The following KMT5B variants were observed in gnomAD, a reference collection of about 807,000 sequenced individuals.
The protein encoded by KMT5B is lysine methyltransferase 5B, also known as histone-lysine N-methyltransferase KMT5B.
Under a neutral mutation model 83.2 loss-of-function variants are expected in KMT5B, and 10 were observed. The observed-to-expected ratio is 0.12, with a 90% CI of 0.07 to 0.20. KMT5B has a LOEUF of 0.20. KMT5B is among the 10% of genes least tolerant of loss of function. KMT5B has a pLI of 1.00. For synonymous variants in KMT5B, 349 were observed against 388.8 expected (o/e 0.90, Z 1.20); for missense variants, 753 against 1,067.2 (o/e 0.71, Z 4.10).
chr11:68,179,522 T>C, intron 4 of KMT5B: 3 of 1,304,194 alleles, frequency 2.3e-6, no homozygotes, highest in Non-Finnish European at 3.0e-6. Context: ...TGCTATTTGG[T>C]TTTTCTGTCT....
rs1487491748 is a variant in KMT5B, at chr11:68,171,457, A to AAGG, written c.820+83_820+85dup. 1.3e-5 allele frequency: 19 copies of AAGG among 1,418,064 alleles called. No homozygotes were observed. Among genetic ancestry groups the AAGG allele is most frequent in the Non-Finnish European group, 1.8e-5 (19 of 1,032,696 alleles). 87.8% of individuals were successfully genotyped at this position (1,418,064 alleles called of 1,614,324 possible). ...TCAAATTCTCCTTTAAAGGAAGATA[A>AAGG]AGGTTTGACTGAGGTTGACAAGGCC... is the stretch of plus-strand genomic sequence containing the variant. On this transcript the variant is annotated intron_variant, in intron 7 of 10. Transcript: ENST00000304363. The surrounding 1 kb of genome is among the most constrained non-coding windows in gnomAD (Gnocchi z 5.1).
Position 68,158,903 on chromosome 11 carries a change from T to A in KMT5B, c.1443A>T (p.Lys481Asn), listed in dbSNP as rs1006437121. 2.5e-6 allele frequency: 4 copies of A among 1,614,076 alleles called. No homozygotes were observed. The highest frequency in any genetic ancestry group is 3.4e-6 in the Non-Finnish European group (4 of 1,180,052). Residue 481 changes from lysine (K) to asparagine (N), a missense_variant, in exon 11 of 11, where the codon AAA (lysine) becomes AAT (asparagine). Lys to Asn is a moderately conservative substitution (Grantham distance 94). Around this residue, in one of 9 missense-constraint regions of KMT5B, gnomAD observed 397 missense variants for 395.9 expected, o/e 1.00. Transcript: ENST00000304363. ...TGGGCAAATTTTTATACAGAACTAC[T>A]TTAGGCTCTTTCAGTACTAAGTTTC... ...EMGNLVLKEP[K>N]VVLYKNLPIK...
At chr11:68,184,703 C>T (rs1339232533) in intron 3 of KMT5B, among the ~76,000 whole-genome samples, 2 of 152,176 alleles carry the variant, frequency 1.3e-5, no homozygotes, top group African/African-American at 4.8e-5. Flanking sequence ...CTTCTAAATC[C>T]CTGCTGTTAT....
rs1369586095 is a variant in KMT5B, at chr11:68,171,645, T to C, written c.718A>G (p.Asn240Asp). ...TTTTCTCCATGTCTAAGTAGCATGT[T>C]CTCCTCAATTTCTGAAAGTTCGGCA... is the stretch of plus-strand genomic sequence containing the variant. ...CIAELSEIEE[N>D]MLLRHGENDF... is the part of the protein sequence containing the mutation. Residue 240 changes from asparagine to aspartate, a missense_variant, in exon 7 of 11, where the codon AAC (asparagine) becomes GAC (aspartate). Around this residue, in one of 9 missense-constraint regions of KMT5B, gnomAD observed 34 missense variants for 172.5 expected, o/e 0.20. Coordinates refer to ENST00000304363, the MANE Select transcript of KMT5B (RefSeq NM_017635.5). The surrounding 1 kb of genome is among the most constrained non-coding windows in gnomAD (Gnocchi z 5.1). The C allele has an allele frequency of 1.9e-6, 3 of 1,613,908 alleles. No individual in the cohort carries two copies. The highest frequency in any genetic ancestry group is 2.5e-6 in the Non-Finnish European group (3 of 1,179,884).
At chr11:68,211,402 T>C (rs1343519194) in intron 1 of KMT5B, among the ~76,000 whole-genome samples, 9 of 152,228 alleles carry the variant, frequency 5.9e-5, no homozygotes, top group Admixed American at 5.2e-4. Flanking sequence ...AGCCCTACCC[T>C]ACTCTCTTAT....
chr11:68,160,491 G>A (rs1175418479), intron 10 of KMT5B, among the ~76,000 whole-genome samples: 1 of 152,178 alleles, frequency 6.6e-6, no homozygotes, highest in African/African-American at 2.4e-5. Flanking sequence ...TCAGAACAGG[G>A]AGGATAAAAA....
intron 1 of KMT5B, among the ~76,000 whole-genome samples, chr11:68,195,286 T>G (rs947463297): frequency 6.6e-6 from 1 of 152,234 alleles, no homozygotes; most frequent in Non-Finnish European, 1.5e-5. Flanking sequence ...CACCTCTGTC[T>G]CTTACTAGGC....
chr11:68,199,948 G>A (rs1036838534), intron 1 of KMT5B, among the ~76,000 whole-genome samples: 7 of 152,202 alleles, frequency 4.6e-5, no homozygotes, highest in African/African-American at 1.7e-4. Context: ...TAGGAAGATT[G>A]GCTTCCGCAA....
chr11:68,169,737 G>A (rs1176217327), intron 9 of KMT5B, among the ~76,000 whole-genome samples: 1 of 152,240 alleles, frequency 6.6e-6, no homozygotes, highest in African/African-American at 2.4e-5. Context: ...TCTGATTTCA[G>A]ATGATAGGCA....
At chr11:68,192,340 A>G (rs907023093) in intron 1 of KMT5B, among the ~76,000 whole-genome samples, 7 of 152,160 alleles carry the variant, frequency 4.6e-5, no homozygotes, top group African/African-American at 9.7e-5. Context: ...GCTCTCCCCA[A>G]TCATATGATG....
chr11:68,179,547 TGAA>T (rs980781039), intron 4 of KMT5B: 30 of 1,303,868 alleles, frequency 2.3e-5, no homozygotes, highest in Non-Finnish European at 2.7e-5. Context: ...ACTGTGGCAG[TGAA>T]GAAAAGTTGT....
At chr11:68,208,770 G>C (rs111554301) in intron 1 of KMT5B, among the ~76,000 whole-genome samples, 68 of 152,238 alleles carry the variant, frequency 4.5e-4, no homozygotes, top group African/African-American at 1.6e-3. Context: ...ATGATTGCTT[G>C]GGCCCAGGAG....
intron 10 of KMT5B, chr11:68,165,809 A>G: frequency 1.3e-6 from 2 of 1,585,630 alleles, no homozygotes; most frequent in Non-Finnish European, 1.7e-6. Flanking sequence ...AACGAAAAAG[A>G]CTGGAATAGG....
intron 3 of KMT5B, among the ~76,000 whole-genome samples, chr11:68,183,106 TTTC>T (rs758548696): frequency 3.9e-5 from 6 of 152,096 alleles, no homozygotes; most frequent in Non-Finnish European, 5.9e-5. Flanking sequence ...TCAATATAAC[TTTC>T]TTGATGACCC....
intron 10 of KMT5B, chr11:68,164,578 A>C (rs1188834482): frequency 2.1e-6 from 1 of 471,954 alleles, no homozygotes; most frequent in African/African-American, 2.0e-5. Context: ...AGAGACAACT[A>C]AAGCCTTGAG....
chr11:68,177,442 A>C (rs915627535), intron 4 of KMT5B, among the ~76,000 whole-genome samples: 2 of 152,182 alleles, frequency 1.3e-5, no homozygotes, highest in Non-Finnish European at 2.9e-5. Flanking sequence ...AGCAATAATA[A>C]AGTAAAGTAC....
chr11:68,165,443 G>A (rs1447909423), intron 10 of KMT5B, among the ~76,000 whole-genome samples: 1 of 152,122 alleles, frequency 6.6e-6, no homozygotes, highest in Non-Finnish European at 1.5e-5. Flanking sequence ...GGCAGAGGCT[G>A]CAGTGAGCTG....
Position 68,158,475 on chromosome 11 carries a change from G to A in KMT5B, c.1871C>T (p.Ala624Val). The A allele has an allele frequency of 6.2e-7, 1 of 1,614,026 alleles. No homozygotes were observed. Among genetic ancestry groups the A allele is most frequent in the Non-Finnish European group, 8.5e-7 (1 of 1,179,994 alleles). Residue 624 changes from alanine to valine, a missense_variant, in exon 11 of 11, where the codon GCA (alanine) becomes GTA (valine). Physicochemically the swap from Ala to Val is moderately conservative, Grantham distance 64 (BLOSUM62 0). Coordinates refer to ENST00000304363, the MANE Select transcript of KMT5B (RefSeq NM_017635.5). ...SRQGKLVKQF[A>V]KIEESTPVHD... Reference sequence around the variant, plus strand: ...CACTGGAGTAGATTCCTCTATTTTTGCAAACTGTTTCACAAGTTTTCCTTG... The same window carrying A: ...CACTGGAGTAGATTCCTCTATTTTTACAAACTGTTTCACAAGTTTTCCTTG...
intron 3 of KMT5B, among the ~76,000 whole-genome samples, chr11:68,183,040 G>A (rs531681042): frequency 6.6e-6 from 1 of 152,088 alleles, no homozygotes; most frequent in South Asian, 2.1e-4. Flanking sequence ...CTGGCCCATT[G>A]TAATTCTGAT....
Sources: gnomAD v4.1 joint callset for allele counts (sites outside exome capture counted in the v4.1 genomes callset) on GRCh38, gnomAD v4.1.1 for gene constraint, gnomAD v4.1.1 regional missense constraint, Gnocchi (gnomAD v3.1) non-coding constraint, MANE v1.5 for transcripts, NCBI Gene and HGNC (gene_info 2026-07-23, HGNC 2026-07-21) for gene names.